Variants in DPP10 observed in about 807,000 individuals in gnomAD.
DPP10 encodes inactive dipeptidyl peptidase 10.
DPP10 carries 33 observed loss-of-function variants against 120.9 expected under a neutral mutation model. The ratio of observed to expected loss-of-function variants is 0.27; its 90% CI spans 0.21 to 0.37. The LOEUF (loss-of-function observed/expected upper bound fraction) is 0.37. DPP10 is among the 10% of genes least tolerant of loss of function. DPP10 has a pLI of 1.00. For synonymous variants in DPP10, 337 were observed against 326.1 expected, an observed-to-expected ratio of 1.03 and a Z score of -0.36; for missense variants, 816 against 942.8, an observed-to-expected ratio of 0.87 and a Z score of 1.76.
chr2:114,811,696 C>T (rs904731569), intron 1 of DPP10, among the ~76,000 whole-genome samples: 21 of 152,078 alleles, frequency 1.4e-4, no homozygotes, highest in Non-Finnish European at 1.5e-4. Context: ...ACCACCACTA[C>T]CCACCAACCC....
intron 7 of DPP10, among the ~76,000 whole-genome samples, chr2:115,704,595 T>G (rs906938601): frequency 6.6e-6 from 1 of 152,022 alleles, no homozygotes; most frequent in Non-Finnish European, 1.5e-5. Flanking sequence ...GACTTATTGT[T>G]ATTTCTGTGT....
intron 1 of DPP10, among the ~76,000 whole-genome samples, chr2:114,711,771 A>AC (rs1427843743): frequency 8.5e-5 from 13 of 152,252 alleles, no homozygotes; most frequent in African/African-American, 3.1e-4. Flanking sequence ...TTTATATTTT[A>AC]AATGAAAGTA....
At chr2:115,576,336 G>A (rs906201902) in intron 5 of DPP10, among the ~76,000 whole-genome samples, 5 of 152,206 alleles carry the variant, frequency 3.3e-5, no homozygotes, top group Non-Finnish European at 5.9e-5. Flanking sequence ...ATGGTGTATA[G>A]CAGTGCATGA....
At chr2:115,763,776 G>T (rs529106976) in intron 12 of DPP10, among the ~76,000 whole-genome samples, 1 of 152,192 alleles carries the variant, frequency 6.6e-6, no homozygotes, top group Admixed American at 6.6e-5. Flanking sequence ...ACAACTCAAA[G>T]AACTTTTCTC....
intron 1 of DPP10, among the ~76,000 whole-genome samples, chr2:114,808,714 G>C (rs1184419355): frequency 2.0e-5 from 3 of 151,836 alleles, no homozygotes; most frequent in African/African-American, 7.3e-5. Flanking sequence ...CTCCTTTCTA[G>C]CCCTAAAACA....
Position 115,800,575 on chromosome 2 carries a change from C to T in DPP10, c.1700+9219C>T, listed in dbSNP as rs562788653. On this transcript the variant is annotated intron_variant, in intron 19 of 25. Coordinates refer to ENST00000410059, the MANE Select transcript of DPP10 (RefSeq NM_020868.6). ...AGGGTTTTTATGGTTTTAGGTCTAA[C>T]GTTTAAGTCTTTAATCCATCTTGAA... 6.6e-5 allele frequency among the ~76,000 whole-genome samples: 10 copies of T among 151,948 alleles called. 1 individual carries two copies. Among genetic ancestry groups the T allele is most frequent in the Non-Finnish European group, 7.4e-5 (5 of 68,020 alleles).
At chr2:115,502,094 A>G (rs1240339196) in intron 4 of DPP10, among the ~76,000 whole-genome samples, 4 of 152,008 alleles carry the variant, frequency 2.6e-5, no homozygotes. Flanking sequence ...CTACAAATTT[A>G]TTTTTAAAAT....
chr2:115,495,862 G>A (rs1301880463), intron 3 of DPP10, among the ~76,000 whole-genome samples: 2 of 152,086 alleles, frequency 1.3e-5, no homozygotes, highest in Non-Finnish European at 2.9e-5. Flanking sequence ...TTAAAAAGGA[G>A]AAAAGATTAT....
At chr2:115,429,540 T>C (rs886290951) in intron 3 of DPP10, among the ~76,000 whole-genome samples, 6 of 152,200 alleles carry the variant, frequency 3.9e-5, no homozygotes, top group Admixed American at 3.3e-4. Flanking sequence ...ATGTGCTTAA[T>C]AATAAAAGCT....
In DPP10 at chr2:115,636,095, A is replaced by G. The variant is rs143462478; in HGVS notation, c.442-53592A>G. On this transcript the variant is annotated intron_variant, in intron 5 of 25. Transcript: ENST00000410059. ...GATGACATGCAATGGGAGATTCACT[A>G]CACCAGTTTTGTGGTATTCTTACCA... Among the ~76,000 whole-genome samples the G allele has an allele frequency of 1.4e-4, 21 of 151,768 alleles. 1 individual carries two copies. In the East Asian group the frequency reaches 4.1e-3, roughly 29 times the overall value.
rs997151328 is a variant in DPP10 at position 115,241,193 on chromosome 2, C to T, written c.61-68046C>T. Among the ~76,000 whole-genome samples, 6 of 152,236 alleles carry T rather than the reference C, an allele frequency of 3.9e-5. 1 individual carries two copies. Among genetic ancestry groups the T allele is most frequent in the South Asian group, 2.1e-4 (1 of 4,820 alleles). Reference sequence around the variant, plus strand: ...CTGAGACAGGAGAATTGCTTGAACCCGGGAGGCGGAGGTTCCAGTGAGCTG... The same window carrying T: ...CTGAGACAGGAGAATTGCTTGAACCTGGGAGGCGGAGGTTCCAGTGAGCTG... On this transcript the variant is annotated intron_variant, in intron 1 of 25. Coordinates refer to ENST00000410059, the MANE Select transcript of DPP10 (RefSeq NM_020868.6).
intron 3 of DPP10, among the ~76,000 whole-genome samples, chr2:115,424,210 T>C (rs2070249150): frequency 6.6e-6 from 1 of 152,146 alleles, no homozygotes; most frequent in African/African-American, 2.4e-5. Flanking sequence ...CCAAATGTTT[T>C]TACTTCTCAA....
chr2:114,529,147 CT>C (rs1245357207), intron 1 of DPP10, among the ~76,000 whole-genome samples: 2 of 152,088 alleles, frequency 1.3e-5, no homozygotes, highest in Non-Finnish European at 2.9e-5. Flanking sequence ...TAAACTGCCC[CT>C]CTCCTTGTCC....
intron 1 of DPP10, among the ~76,000 whole-genome samples, chr2:114,914,645 G>T (rs1012531980): frequency 6.6e-6 from 1 of 152,136 alleles, no homozygotes; most frequent in Non-Finnish European, 1.5e-5. Flanking sequence ...GTACAATAAA[G>T]TCTACACAAC....
rs917619712 is a variant in DPP10 at position 114,756,507 on chromosome 2, C to G, written c.60+313669C>G. 2.0e-5 allele frequency among the ~76,000 whole-genome samples: 3 copies of G among 152,290 alleles called. No homozygotes were observed. In the South Asian group the frequency reaches 6.2e-4, roughly 32 times the overall value. ...AGCTTTCCAAATCAGTCATCCAATC[C>G]GAATGCTTCTAAAATAATGAACAAT... On this transcript the variant is annotated intron_variant, in intron 1 of 25. Transcript: ENST00000410059.
chr2:114,683,756 C>T (rs988543280), intron 1 of DPP10, among the ~76,000 whole-genome samples: 26 of 151,828 alleles, frequency 1.7e-4, no homozygotes, highest in East Asian at 1.6e-3. Flanking sequence ...TCTCCCCTCC[C>T]GTCTTGGATT....
chr2:115,323,795 G>A (rs1347436826), intron 2 of DPP10, among the ~76,000 whole-genome samples: 1 of 152,150 alleles, frequency 6.6e-6, no homozygotes, highest in East Asian at 1.9e-4. Flanking sequence ...ATATTTTTAT[G>A]AGTAGTAAGT....
At chr2:115,407,479 C>G (rs1334468947) in intron 3 of DPP10, among the ~76,000 whole-genome samples, 2 of 152,156 alleles carry the variant, frequency 1.3e-5, no homozygotes, top group African/African-American at 4.8e-5. Context: ...TCTAAGCGTT[C>G]CTGGCAAAAG....
intron 1 of DPP10, among the ~76,000 whole-genome samples, chr2:115,109,848 C>T (rs763728651): frequency 1.3e-5 from 2 of 152,068 alleles, no homozygotes; most frequent in African/African-American, 4.8e-5. Context: ...CAGAGCCCCC[C>T]GCAAGAAAGA....
Sources: allele counts gnomAD v4.1 joint callset (sites outside exome capture counted in the v4.1 genomes callset), GRCh38; gene constraint gnomAD v4.1.1; transcripts MANE v1.5; gene names NCBI Gene and HGNC (gene_info 2026-07-23, HGNC 2026-07-21).